The following LRIG1 variants were observed in gnomAD, a reference collection of about 807,000 sequenced individuals.
LRIG1 encodes the protein leucine-rich repeats and immunoglobulin-like domains protein 1.
LRIG1 carries 48 observed loss-of-function variants against 99.2 expected under a neutral mutation model. The observed-to-expected ratio is 0.48, with a 90% CI of 0.38 to 0.62. The LOEUF (loss-of-function observed/expected upper bound fraction) is 0.62, where lower values mean the gene tolerates loss of function less well. Among genes scored for constraint, LRIG1 ranks in the 20% least tolerant of loss-of-function variants. The pLI, the probability that LRIG1 is intolerant of heterozygous loss-of-function variation, is 0.00. For synonymous variants in LRIG1, 772 were observed against 596.1 expected, an observed-to-expected ratio of 1.29 and a Z score of -4.30; for missense variants, 1,646 against 1,434.4, an observed-to-expected ratio of 1.15 and a Z score of -2.38.
chr3:66,434,342 G>A (rs1703271458), intron 3 of LRIG1, among the ~76,000 whole-genome samples: 1 of 152,100 alleles, frequency 6.6e-6, no homozygotes, highest in Admixed American at 6.6e-5. Flanking sequence ...TCTACAGGTG[G>A]CAAACAAGCA....
intron 3 of LRIG1, among the ~76,000 whole-genome samples, chr3:66,450,564 C>T (rs1703873006): frequency 6.6e-6 from 1 of 152,160 alleles, no homozygotes; most frequent in South Asian, 2.1e-4. Flanking sequence ...GGACACAGCA[C>T]CTCCTGAACA....
chr3:66,384,679 A>AATGGG (rs1280710764), intron 13 of LRIG1, among the ~76,000 whole-genome samples: 1 of 151,602 alleles, frequency 6.6e-6, no homozygotes, highest in African/African-American at 2.4e-5. Flanking sequence ...TTGGGAGAGC[A>AATGGG]ATGGGATGGC....
At chr3:66,381,226 G>GTGCCT (rs1465076964) in intron 17 of LRIG1, among the ~76,000 whole-genome samples, 3 of 152,180 alleles carry the variant, frequency 2.0e-5, no homozygotes, top group Non-Finnish European at 4.4e-5. Flanking sequence ...TACTTCGTTT[G>GTGCCT]TGCCTTGCCC....
intron 4 of LRIG1, 89 bp from the exon 5 acceptor site, chr3:66,415,152 G>A (rs1702583414): frequency 5.1e-6 from 7 of 1,365,258 alleles, no homozygotes; most frequent in Non-Finnish European, 6.9e-6. Flanking sequence ...GGTCTGAGTT[G>A]GGAAGATGAG....
chr3:66,399,106 G>A lies in LRIG1; in HGVS notation c.1161-65C>T, dbSNP rs904493621. 1.8e-4 allele frequency: 231 copies of A among 1,289,854 alleles called. 2 individuals carry two copies. The Middle Eastern group carries it at 2.0e-3, about 11-fold the overall frequency. 79.9% of individuals were successfully genotyped at this position (1,289,854 alleles called of 1,614,324 possible). A position where few individuals can be genotyped will look rare whatever the true frequency, so the allele number is the denominator to read the frequency against. ...GAAAGCGAAACAGGAAGGGTTGAGA[G>A]AAAGAAAAAGAAAAAGAAAACACAC... On this transcript the variant is annotated intron_variant, in intron 9 of 18. Coordinates refer to ENST00000273261, the MANE Select transcript of LRIG1 (RefSeq NM_015541.3).
At chr3:66,406,941 T>A (rs1434630781) in intron 8 of LRIG1, among the ~76,000 whole-genome samples, 1 of 152,106 alleles carries the variant, frequency 6.6e-6, no homozygotes, top group Non-Finnish European at 1.5e-5. Flanking sequence ...GAAAAAATAT[T>A]CAGGACTTGG....
At chr3:66,471,476 C>T (rs924958136) in intron 1 of LRIG1, among the ~76,000 whole-genome samples, 2 of 152,114 alleles carry the variant, frequency 1.3e-5, no homozygotes, top group Non-Finnish European at 1.5e-5. Context: ...GAGCCAGGTG[C>T]TCCCTGCTCC....
intron 13 of LRIG1, 119 bp downstream of exon 13, chr3:66,385,862 T>C (rs1701345515): frequency 2.1e-6 from 2 of 931,094 alleles, no homozygotes; most frequent in African/African-American, 1.7e-5. Flanking sequence ...GATTTAACAG[T>C]GCCCCACAGA....
chr3:66,486,126 C>A (rs1482004726), intron 1 of LRIG1, among the ~76,000 whole-genome samples: 1 of 152,288 alleles, frequency 6.6e-6, no homozygotes, highest in East Asian at 1.9e-4. Flanking sequence ...TCAGTTAACA[C>A]AGATATATCC....
chr3:66,439,225 T>C (rs1303710814), intron 3 of LRIG1, among the ~76,000 whole-genome samples: 1 of 152,256 alleles, frequency 6.6e-6, no homozygotes, highest in Non-Finnish European at 1.5e-5. Context: ...AAGCCCATGC[T>C]GGCTTTCTCA....
intron 3 of LRIG1, among the ~76,000 whole-genome samples, chr3:66,424,984 T>C (rs1702932568): frequency 6.6e-6 from 1 of 152,234 alleles, no homozygotes; most frequent in African/African-American, 2.4e-5. Context: ...GTTAGAGGTA[T>C]TAAATGCATT....
chr3:66,414,906 G>C lies in LRIG1; in HGVS notation c.647+14C>G. On this transcript the variant is annotated intron_variant, in intron 5 of 18. Transcript: ENST00000273261. ...TTGGCTAGCCTTAATTAAAGTGTAG[G>C]TTTCTGTACTCACAGTTGTGTCAGC... The C allele has an allele frequency of 6.3e-7, 1 of 1,574,974 alleles. No homozygotes were observed. The highest frequency in any genetic ancestry group is 8.6e-7 in the Non-Finnish European group (1 of 1,163,794).
At chr3:66,470,823 T>C (rs191031734) in intron 1 of LRIG1, among the ~76,000 whole-genome samples, 1 of 152,354 alleles carries the variant, frequency 6.6e-6, no homozygotes, top group East Asian at 1.9e-4. Flanking sequence ...GGATCTTTCC[T>C]ACCAAAAATC....
At chr3:66,446,396 C>G (rs1458818363) in intron 3 of LRIG1, among the ~76,000 whole-genome samples, 1 of 150,756 alleles carries the variant, frequency 6.6e-6, no homozygotes, top group Admixed American at 6.6e-5. Context: ...CTCTCCCGCC[C>G]ACCCGCCTTT....
intron 12 of LRIG1, among the ~76,000 whole-genome samples, chr3:66,389,428 A>T (rs1701528698): frequency 6.6e-6 from 1 of 152,162 alleles, no homozygotes; most frequent in Admixed American, 6.5e-5. Flanking sequence ...GATTACCATA[A>T]TGGATAAAAA....
intron 11 of LRIG1, among the ~76,000 whole-genome samples, chr3:66,397,792 T>G (rs1021867300): frequency 6.6e-6 from 1 of 152,244 alleles, no homozygotes; most frequent in Non-Finnish European, 1.5e-5. Flanking sequence ...GAAGGGGTGA[T>G]TATCCACTTT....
At chr3:66,472,023 G>A (rs546496417) in intron 1 of LRIG1, among the ~76,000 whole-genome samples, 30 of 152,168 alleles carry the variant, frequency 2.0e-4, no homozygotes, top group African/African-American at 7.0e-4. Flanking sequence ...ACTAACTTCG[G>A]GCCAGGCGTG....
chr3:66,407,551 C>T lies in LRIG1; in HGVS notation c.936-60G>A, dbSNP rs1169659372. The T allele has an allele frequency of 4.4e-6, 7 of 1,591,798 alleles. No individual in the cohort carries two copies. The East Asian group carries it at 1.6e-4, about 36-fold the overall frequency. On this transcript the variant is annotated intron_variant, in intron 7 of 18. Coordinates refer to ENST00000273261, the MANE Select transcript of LRIG1 (RefSeq NM_015541.3). ...GTGTGGTTGCCCCCCAACCCCACCC[C>T]ACCGGAAATTGGGCCACAGTCAGCT...
At chr3:66,395,707 C>T (rs978554701) in intron 11 of LRIG1, among the ~76,000 whole-genome samples, 6 of 152,324 alleles carry the variant, frequency 3.9e-5, no homozygotes, top group Non-Finnish European at 5.9e-5. Context: ...AGGGCTGTAA[C>T]GGCCATCCCT....
Sources: gnomAD v4.1 joint callset for allele counts (sites outside exome capture counted in the v4.1 genomes callset) on GRCh38, gnomAD v4.1.1 for gene constraint, MANE v1.5 for transcripts, NCBI Gene and HGNC (gene_info 2026-07-23, HGNC 2026-07-21) for gene names.